CCDC172: variants seen among roughly 807,000 people sequenced by gnomAD.
CCDC172 encodes the protein coiled-coil domain containing 172, also known as coiled-coil domain-containing protein 172.
In CCDC172, 30 loss-of-function variants were observed where a neutral mutation model predicts 38.0. The observed-to-expected ratio is 0.79, with a 90% CI of 0.59 to 1.07. The LOEUF is 1.07. Among genes scored for constraint, CCDC172 ranks in the 50% least tolerant of loss-of-function variants. CCDC172 has a pLI of 0.00. For missense variants in CCDC172, 297 were observed against 290.1 expected (o/e 1.02, Z -0.17); for synonymous variants, 78 against 88.3 (o/e 0.88, Z 0.66).
intron 7 of CCDC172, among the ~76,000 whole-genome samples, chr10:116,373,172 T>G (rs1183441230): frequency 6.6e-6 from 1 of 152,064 alleles, no homozygotes; most frequent in East Asian, 1.9e-4. Context: ...AGTGGGCAGA[T>G]AGCTTGAGTC....
intron 7 of CCDC172, among the ~76,000 whole-genome samples, chr10:116,369,073 G>A (rs1845157326): frequency 6.6e-6 from 1 of 151,952 alleles, no homozygotes. Context: ...ATCCCACTGA[G>A]GGTGAATAGA....
rs150549779 is a variant in CCDC172 at position 116,362,051 on chromosome 10, G to C, written c.653+4113G>C. 4.4e-3 allele frequency among the ~76,000 whole-genome samples: 665 copies of C among 152,210 alleles called. 4 individuals carry two copies. The highest frequency in any genetic ancestry group is 0.015 in the African/African-American group (641 of 41,536). On this transcript the variant is annotated intron_variant, in intron 7 of 8. Coordinates refer to ENST00000333254, the MANE Select transcript of CCDC172 (RefSeq NM_198515.3). ...AAAATACAAAAAAAACTAGCCGGGC[G>C]TGGTGGCAGGCACCTGTAGCCTCAG...
chr10:116,378,578 C>A, intron 8 of CCDC172, 68 bp downstream of exon 8: 1 of 1,240,238 alleles, frequency 8.1e-7, no homozygotes, highest in Non-Finnish European at 1.2e-6. Flanking sequence ...AACGGTTTTA[C>A]TGGTGTACAA....
chr10:116,354,967 A>G (rs1844977541), intron 5 of CCDC172, among the ~76,000 whole-genome samples: 1 of 152,214 alleles, frequency 6.6e-6, no homozygotes, highest in Non-Finnish European at 1.5e-5. Flanking sequence ...TGTACTGTAT[A>G]TTTGTTTTAA....
At chr10:116,371,898 A>G (rs538772277) in intron 7 of CCDC172, among the ~76,000 whole-genome samples, 32 of 151,766 alleles carry the variant, frequency 2.1e-4, no homozygotes, top group African/African-American at 7.0e-4. Flanking sequence ...CTTCCACCAT[A>G]CAGAAGCCAT....
chr10:116,325,037 A>T lies in CCDC172; in HGVS notation c.26A>T (p.His9Leu). MSLESLFQ[H>L]IIFTEHQAEE... ...ATGAGCTTGGAGTCCCTGTTTCAGC[A>T]CATCATCTTCACCGAGCATCAGGCG... The change falls in exon 2 of 9, where the codon CAC (histidine) becomes CTC (leucine). Residue 9 changes from histidine (H) to leucine (L), a missense_variant. Coordinates refer to ENST00000333254, the MANE Select transcript of CCDC172 (RefSeq NM_198515.3). 1 of 1,614,138 alleles carries T rather than the reference A, an allele frequency of 6.2e-7. No homozygotes were observed. The highest frequency in any genetic ancestry group is 8.5e-7 in the Non-Finnish European group (1 of 1,180,028).
intron 7 of CCDC172, among the ~76,000 whole-genome samples, chr10:116,366,654 A>G (rs1845126470): frequency 6.6e-6 from 1 of 152,212 alleles, no homozygotes; most frequent in Non-Finnish European, 1.5e-5. Context: ...GCTGGTGCAC[A>G]TATGCAAGAG....
At chr10:116,370,585 T>C (rs1183538838) in intron 7 of CCDC172, among the ~76,000 whole-genome samples, 1 of 151,918 alleles carries the variant, frequency 6.6e-6, no homozygotes, top group Non-Finnish European at 1.5e-5. Context: ...ATGCCAGTAC[T>C]GCAGTGTTTT....
At chr10:116,352,406 A>G (rs113885012) in intron 5 of CCDC172, among the ~76,000 whole-genome samples, 15 of 152,326 alleles carry the variant, frequency 9.8e-5, no homozygotes, top group African/African-American at 2.9e-4. Flanking sequence ...GTCAATAGTA[A>G]CATACCTAGA....
chr10:116,364,553 A>G (rs890697667), intron 7 of CCDC172, among the ~76,000 whole-genome samples: 24 of 152,176 alleles, frequency 1.6e-4, no homozygotes, highest in Admixed American at 1.3e-3. Flanking sequence ...ATGCCCTGTT[A>G]TAAGAAATGA....
At chr10:116,325,240 A>G (rs1844576254) in intron 2 of CCDC172, 63 bp from the exon 3 acceptor site, 4 of 1,524,198 alleles carry the variant, frequency 2.6e-6, no homozygotes, top group African/African-American at 2.8e-5. Context: ...TGGCTTATCA[A>G]ACGCCACCAA....
At chr10:116,337,356 T>G (rs1844744220) in intron 3 of CCDC172, among the ~76,000 whole-genome samples, 1 of 152,108 alleles carries the variant, frequency 6.6e-6, no homozygotes, top group African/African-American at 2.4e-5. Context: ...TTCACCATGT[T>G]GGCCAGGCTG....
At chr10:116,345,690 A>T (rs1462403998) in intron 5 of CCDC172, among the ~76,000 whole-genome samples, 4 of 152,202 alleles carry the variant, frequency 2.6e-5, no homozygotes, top group African/African-American at 9.6e-5. Flanking sequence ...GCCAATGAAC[A>T]TGTGAAAAGA....
intron 3 of CCDC172, among the ~76,000 whole-genome samples, chr10:116,329,918 A>G (rs1179247733): frequency 6.6e-5 from 10 of 152,204 alleles, no homozygotes. Flanking sequence ...ATTCATTTTC[A>G]ATATTGTGTA....
intron 3 of CCDC172, among the ~76,000 whole-genome samples, chr10:116,336,534 T>C (rs1844736508): frequency 6.6e-6 from 1 of 152,000 alleles, no homozygotes; most frequent in Non-Finnish European, 1.5e-5. Flanking sequence ...TAGATCTTTT[T>C]TACAAAAACC....
intron 7 of CCDC172, among the ~76,000 whole-genome samples, chr10:116,368,314 T>C (rs1845147692): frequency 6.6e-6 from 1 of 152,160 alleles, no homozygotes. Flanking sequence ...TTGAATCAGT[T>C]ATTACAATGG....
At chr10:116,365,948 T>C (rs370181316) in intron 7 of CCDC172, among the ~76,000 whole-genome samples, 16 of 152,302 alleles carry the variant, frequency 1.1e-4, no homozygotes, top group African/African-American at 3.1e-4. Flanking sequence ...CTATCCAATC[T>C]AGGTTTGTGT....
At chr10:116,360,695 T>C (rs1463157382) in intron 7 of CCDC172, among the ~76,000 whole-genome samples, 1 of 152,116 alleles carries the variant, frequency 6.6e-6, no homozygotes, top group Non-Finnish European at 1.5e-5. Context: ...CCCAGCCCCT[T>C]TCTTTTCCCT....
chr10:116,351,752 C>T (rs1291284885), intron 5 of CCDC172, among the ~76,000 whole-genome samples: 1 of 152,106 alleles, frequency 6.6e-6, no homozygotes, highest in East Asian at 1.9e-4. Context: ...AGAAGGGAAA[C>T]AAATGAGGTA....
Sources: gnomAD v4.1 joint callset for allele counts (sites outside exome capture counted in the v4.1 genomes callset) on GRCh38, gnomAD v4.1.1 for gene constraint, MANE v1.5 for transcripts, NCBI Gene and HGNC (gene_info 2026-07-23, HGNC 2026-07-21) for gene names.